Variants in PCDH15 observed in about 807,000 individuals in gnomAD.
The protein encoded by PCDH15 is protocadherin-15.
A neutral mutation model predicts 178.5 loss-of-function variants in PCDH15; 129 were observed. The ratio of observed to expected loss-of-function variants is 0.72; its 90% CI spans 0.63 to 0.84. The LOEUF (loss-of-function observed/expected upper bound fraction) is 0.84. Among genes scored for constraint, PCDH15 ranks in the 40% least tolerant of loss-of-function variants. The pLI is 0.00. For missense variants in PCDH15, 2,230 were observed against 2,099.9 expected (o/e 1.06, Z -1.21); for synonymous variants, 800 against 732.0 (o/e 1.09, Z -1.50).
chr10:54,796,286 C>CTATG (rs1241008832), intron 1 of PCDH15, among the ~76,000 whole-genome samples: 2,159 of 119,692 alleles, frequency 0.018, 20 homozygotes, highest in South Asian at 0.061. Flanking sequence ...ATCTATGTAT[C>CTATG]TATCTATCTA....
intron 1 of PCDH15, among the ~76,000 whole-genome samples, chr10:55,192,985 C>CT (rs5785122): frequency 0.1 from 13,282 of 132,348 alleles, 665 homozygotes; most frequent in Middle Eastern, 0.13. Flanking sequence ...TTCAAAATGG[C>CT]TTTTTTTTTT....
At chr10:54,773,997 A>ACTTCATAGG (rs1949390630) in intron 1 of PCDH15, among the ~76,000 whole-genome samples, 1 of 132,330 alleles carries the variant, frequency 7.6e-6, no homozygotes, top group African/African-American at 2.8e-5. Context: ...GAACTGGCAT[A>ACTTCATAGG]CTTCATAGGC....
At chr10:54,399,214 G>A (rs1951627874) in intron 3 of PCDH15, among the ~76,000 whole-genome samples, 1 of 151,972 alleles carries the variant, frequency 6.6e-6, no homozygotes, top group Non-Finnish European at 1.5e-5. Context: ...AGTGAAGAGA[G>A]TTGCAGACAA....
At chr10:55,368,027 T>A (rs554373077) in intron 2 of PCDH15, among the ~76,000 whole-genome samples, 1 of 152,158 alleles carries the variant, frequency 6.6e-6, no homozygotes, top group Non-Finnish European at 1.5e-5. Context: ...ACTTAATCCT[T>A]TAGTTTTTGC....
chr10:54,164,405 G>A (rs2046003930), intron 13 of PCDH15, among the ~76,000 whole-genome samples: 1 of 152,126 alleles, frequency 6.6e-6, no homozygotes, highest in African/African-American at 2.4e-5. Flanking sequence ...AAGATTATTT[G>A]GATGGGCAAC....
intron 14 of PCDH15, among the ~76,000 whole-genome samples, chr10:54,142,346 T>C (rs2043489065): frequency 1.3e-5 from 2 of 152,160 alleles, no homozygotes; most frequent in Non-Finnish European, 2.9e-5. Flanking sequence ...ATTTTGAGCA[T>C]TGATACCAGT....
intron 2 of PCDH15, among the ~76,000 whole-genome samples, chr10:55,454,035 T>C (rs767544697): frequency 4.6e-5 from 7 of 152,142 alleles, no homozygotes; most frequent in Non-Finnish European, 1.0e-4. Flanking sequence ...TGTCTTATTC[T>C]ATAAAATAAT....
Position 53,806,643 on chromosome 10 carries a change from G to C in PCDH15, c.5159C>G (p.Ser1720Cys), listed in dbSNP as rs1387609945. 1 of 1,613,738 alleles carries C rather than the reference G, an allele frequency of 6.2e-7. No homozygotes were observed. Among genetic ancestry groups the C allele is most frequent in the East Asian group, 2.2e-5 (1 of 44,868 alleles). ...GCCCATCCAAAGCTCTTCATCATCAGACTGTGTGTGGTCACTATGAAATTC... is the reference window on the plus strand; with the variant it reads ...GCCCATCCAAAGCTCTTCATCATCACACTGTGTGTGGTCACTATGAAATTC... Reference protein sequence around the residue: ...ALEFHSDHTQSDDEELWMGPW... With the variant: ...ALEFHSDHTQCDDEELWMGPW... Residue 1720 changes from serine to cysteine, a missense_variant, in exon 38 of 38, where the codon TCT becomes TGT. Transcript: ENST00000644397.
At chr10:54,563,101 G>T (rs1206500501) in intron 2 of PCDH15, among the ~76,000 whole-genome samples, 1 of 152,128 alleles carries the variant, frequency 6.6e-6, no homozygotes, top group Non-Finnish European at 1.5e-5. Flanking sequence ...AAATGATAAA[G>T]GAAATAAAAA....
chr10:55,209,738 A>C (rs966339800), intron 1 of PCDH15, among the ~76,000 whole-genome samples: 2 of 152,100 alleles, frequency 1.3e-5, no homozygotes, highest in Non-Finnish European at 2.9e-5. Context: ...GAGATTATAA[A>C]TTATGTTTTT....
At chr10:55,282,706 T>C (rs1472289453) in intron 1 of PCDH15, among the ~76,000 whole-genome samples, 1 of 96,022 alleles carries the variant, frequency 1.0e-5, no homozygotes, top group Non-Finnish European at 2.3e-5. Flanking sequence ...AAGAATAAAT[T>C]AATTAACTAA....
At chr10:54,700,338 T>C (rs1174173575) in intron 1 of PCDH15, among the ~76,000 whole-genome samples, 2 of 152,024 alleles carry the variant, frequency 1.3e-5, no homozygotes, top group Admixed American at 6.6e-5. Context: ...TCATGCTAGT[T>C]CCCCAGCAAT....
chr10:53,961,900 AAAATT>A lies in PCDH15; in HGVS notation c.2869-13_2869-9del, dbSNP rs1322859830. 1 of 1,601,104 alleles carries A rather than the reference AAAATT, an allele frequency of 6.2e-7. No individual in the cohort carries two copies. The highest frequency in any genetic ancestry group is 1.7e-5 in the Admixed American group (1 of 59,940). On this transcript the variant is annotated splice_polypyrimidine_tract_variant and intron_variant, in intron 21 of 37. Transcript: ENST00000644397. The stretch of plus-strand genomic sequence containing the variant: ...ACGACTTGCAGGTAATCCCTAAAAT[AAAATT>A]ATTAATTATTAATTTGCTGTTACCA...
chr10:54,434,429 A>T (rs7078761), intron 3 of PCDH15, among the ~76,000 whole-genome samples: 4,963 of 152,236 alleles, frequency 0.033, 276 homozygotes, highest in African/African-American at 0.11. Context: ...ACTGCTTACT[A>T]TTTATACAGT....
intron 2 of PCDH15, among the ~76,000 whole-genome samples, chr10:54,573,439 C>T (rs185348743): frequency 4.7e-4 from 71 of 152,212 alleles, no homozygotes; most frequent in African/African-American, 1.7e-3. Context: ...CAATTTGGTG[C>T]TAATGAAAAT....
chr10:55,424,460 A>G (rs114895925), intron 2 of PCDH15, among the ~76,000 whole-genome samples: 1,570 of 152,278 alleles, frequency 0.01, 27 homozygotes, highest in African/African-American at 0.035. Context: ...TATTGCAAAT[A>G]TTAATTAACT....
chr10:55,092,787 ATAAATAAGTTGATCAATT>A (rs1842348273), intron 2 of PCDH15, among the ~76,000 whole-genome samples: 1 of 151,984 alleles, frequency 6.6e-6, no homozygotes, highest in South Asian at 2.1e-4. Flanking sequence ...TTTATGTAAT[ATAAATAAGTTGATCAATT>A]AACAAAATAC....
chr10:54,348,421 A>C (rs540527309), intron 5 of PCDH15, among the ~76,000 whole-genome samples: 1 of 152,298 alleles, frequency 6.6e-6, no homozygotes, highest in African/African-American at 2.4e-5. Context: ...GGATAGATTT[A>C]GTAGAAATGT....
chr10:55,556,247 A>G (rs970047265), intron 2 of PCDH15, among the ~76,000 whole-genome samples: 5 of 152,164 alleles, frequency 3.3e-5, no homozygotes, highest in Non-Finnish European at 7.3e-5. Flanking sequence ...AAGACATGTA[A>G]TAATGACATG....
Sources: gnomAD v4.1 joint callset for allele counts (sites outside exome capture counted in the v4.1 genomes callset) on GRCh38, gnomAD v4.1.1 for gene constraint, MANE v1.5 for transcripts, NCBI Gene and HGNC (gene_info 2026-07-23, HGNC 2026-07-21) for gene names.